Variants in WSCD1 observed in about 807,000 individuals in gnomAD.
WSCD1 encodes WSC domain sialate O sulfotransferase 1.
A neutral mutation model predicts 60.4 loss-of-function variants in WSCD1; 41 were observed. The observed-to-expected ratio is 0.68, with a 90% CI of 0.53 to 0.88. The LOEUF (loss-of-function observed/expected upper bound fraction) is 0.88. WSCD1 is among the 40% of genes least tolerant of loss of function. The pLI, the probability that WSCD1 is intolerant of heterozygous loss-of-function variation, is 0.00. For synonymous variants in WSCD1, 361 were observed against 332.5 expected, an observed-to-expected ratio of 1.09 and a Z score of -0.93; for missense variants, 784 against 796.2, an observed-to-expected ratio of 0.98 and a Z score of 0.18.
rs1050914760 is a variant in WSCD1, at chr17:6,096,139, T to A, written c.849+916T>A. Among the ~76,000 whole-genome samples, 5 of 152,344 alleles carry A rather than the reference T, an allele frequency of 3.3e-5. No homozygotes were observed. In the East Asian group the frequency reaches 9.6e-4, roughly 29 times the overall value. ...GCGCTTTATGGGTTAACTCATTTAA[T>A]CCTCCTAACAACCCTACAGCTAGGT... On this transcript the variant is annotated intron_variant, in intron 5 of 8. Coordinates refer to ENST00000317744, the MANE Select transcript of WSCD1 (RefSeq NM_015253.2).
Position 6,080,964 on chromosome 17 carries a change from C to T in WSCD1, c.306C>T (p.Leu102=). The change falls in exon 2 of 9, where the codon CTC becomes CTT. Residue 102 remains leucine, a synonymous_variant. Coordinates refer to ENST00000317744, the MANE Select transcript of WSCD1 (RefSeq NM_015253.2). This position sits in a 1 kb window ranked among gnomAD's most constrained non-coding sequence, Gnocchi z 6.6. ...LTRPRPGPRW[L]RSRNSELRQL... is the part of the protein sequence containing the mutation. ...GGCCCCGGCCCGGCCCCCGCTGGCT[C>T]CGGAGCCGCAACTCGGAGCTGCGTC... 6.4e-7 allele frequency: 1 copy of T among 1,555,472 alleles called. No homozygotes were observed. The highest frequency in any genetic ancestry group is 8.7e-7 in the Non-Finnish European group (1 of 1,153,794).
rs1434973378 is a variant in WSCD1, at chr17:6,118,890, G to A, written c.1375+702G>A. 1.3e-5 allele frequency among the ~76,000 whole-genome samples: 2 copies of A among 152,322 alleles called. No individual in the cohort carries two copies. Among genetic ancestry groups the A allele is most frequent in the East Asian group, 1.9e-4 (1 of 5,174 alleles). ...AAATACCACAAAACTGGGGGATGGGGCAGGGGGTGGTGCTTAAGCAGCAGA... is the reference window on the plus strand; with the variant it reads ...AAATACCACAAAACTGGGGGATGGGACAGGGGGTGGTGCTTAAGCAGCAGA... On this transcript the variant is annotated intron_variant, in intron 8 of 8. Coordinates refer to ENST00000317744, the MANE Select transcript of WSCD1 (RefSeq NM_015253.2). The surrounding 1 kb of genome is among the most constrained non-coding windows in gnomAD (Gnocchi z 5.8).
intron 4 of WSCD1, among the ~76,000 whole-genome samples, chr17:6,094,408 G>C (rs1258361390): frequency 3.9e-5 from 6 of 152,192 alleles, no homozygotes; most frequent in African/African-American, 1.4e-4. Flanking sequence ...CTGGGTTTCA[G>C]ATTTCCATGT....
rs1416073947 is a variant in WSCD1 at position 6,121,251 on chromosome 17, A to T, written c.*590A>T. 6.5e-6 allele frequency: 1 copy of T among 153,528 alleles called. No homozygotes were observed. The highest frequency in any genetic ancestry group is 1.4e-5 in the Non-Finnish European group (1 of 69,054). 9.5% of individuals were successfully genotyped at this position (153,528 alleles called of 1,614,324 possible). A position where few individuals can be genotyped will look rare whatever the true frequency, so the allele number is the denominator to read the frequency against. On this transcript the variant is annotated 3_prime_UTR_variant, in exon 9 of 9. Coordinates refer to ENST00000317744, the MANE Select transcript of WSCD1 (RefSeq NM_015253.2). ...GTGTGCGGCCCTGGCCGTGTGTCTG[A>T]CATCCCATAAATGTGTGTGTGGTGT... is the stretch of plus-strand genomic sequence containing the variant.
chr17:6,109,628 A>T lies in WSCD1; in HGVS notation c.871A>T (p.Arg291Trp), dbSNP rs1424483681. ...SQKEFPLAIL[R>W]GWECYCAYPT... ...GCAGGAGTTCCCCTTGGCCATTCTC[A>T]GGGGCTGGGAATGCTACTGTGCTTA... The change falls in exon 6 of 9, where the codon AGG (arginine) becomes TGG (tryptophan). Residue 291 changes from arginine (R) to tryptophan (W), a missense_variant. Transcript: ENST00000317744. 29 of 1,613,690 alleles carry T rather than the reference A, an allele frequency of 1.8e-5. No individual in the cohort carries two copies. Among genetic ancestry groups the T allele is most frequent in the Non-Finnish European group, 2.4e-5 (28 of 1,179,862 alleles).
At chr17:6,109,927 G>A (rs114711387) in intron 6 of WSCD1, among the ~76,000 whole-genome samples, 161 bp downstream of exon 6, 124 of 152,292 alleles carry the variant, frequency 8.1e-4, no homozygotes, top group African/African-American at 2.8e-3. Context: ...AGATAATGGG[G>A]AGGGTCAGTT....
At position 6,075,076 on chromosome 17, in the gene WSCD1, G is replaced by A. The variant is rs909671507; in HGVS notation, c.-289+4424G>A. On this transcript the variant is annotated intron_variant, in intron 1 of 8. Coordinates refer to ENST00000317744, the MANE Select transcript of WSCD1 (RefSeq NM_015253.2). This position sits in a 1 kb window ranked among gnomAD's most constrained non-coding sequence, Gnocchi z 4.1. Reference sequence around the variant, plus strand: ...TGCCAGTCACTGAGGCTGAGGCTTCGAGCTTCTAGGACCCAGATGCCCATC... The same window carrying A: ...TGCCAGTCACTGAGGCTGAGGCTTCAAGCTTCTAGGACCCAGATGCCCATC... Among the ~76,000 whole-genome samples, 4 of 152,108 alleles carry A rather than the reference G, an allele frequency of 2.6e-5. No individual in the cohort carries two copies. The highest frequency in any genetic ancestry group is 7.2e-5 in the African/African-American group (3 of 41,400).
chr17:6,107,590 G>A (rs1012000506), intron 5 of WSCD1, among the ~76,000 whole-genome samples: 3 of 152,120 alleles, frequency 2.0e-5, no homozygotes, highest in South Asian at 2.1e-4. Context: ...TGAATTTGGG[G>A]GACACAGTTC....
intron 2 of WSCD1, among the ~76,000 whole-genome samples, chr17:6,086,746 T>G (rs1389649928): frequency 6.6e-6 from 1 of 152,082 alleles, no homozygotes; most frequent in Non-Finnish European, 1.5e-5. Flanking sequence ...CTTCCTCCCC[T>G]AGGCCACTCA....
At chr17:6,095,300 T>C in intron 5 of WSCD1, 77 bp downstream of exon 5, 1 of 1,495,042 alleles carries the variant, frequency 6.7e-7, no homozygotes, top group Non-Finnish European at 8.9e-7. Flanking sequence ...GCACATGTGC[T>C]GGGCTGCGGG....
Position 6,090,582 on chromosome 17 carries a change from A to G in WSCD1, c.727+77A>G. On this transcript the variant is annotated intron_variant, in intron 4 of 8. Coordinates refer to ENST00000317744, the MANE Select transcript of WSCD1 (RefSeq NM_015253.2). ...GGCTGCCCATCCCCCACAACCTCTC[A>G]ATGAAACTACCTGGGGCAGAACCTG... 5 of 1,544,278 alleles carry G rather than the reference A, an allele frequency of 3.2e-6. No homozygotes were observed. In the South Asian group the frequency reaches 6.0e-5, roughly 19 times the overall value.
At chr17:6,095,321 G>A (rs1304986245) in intron 5 of WSCD1, 98 bp downstream of exon 5, 3 of 1,441,930 alleles carry the variant, frequency 2.1e-6, no homozygotes, top group East Asian at 2.7e-5. Flanking sequence ...TGTCCCCTCT[G>A]GCAGTCCAGA....
intron 4 of WSCD1, among the ~76,000 whole-genome samples, chr17:6,091,943 TC>T (rs1473806281): frequency 6.6e-6 from 1 of 151,978 alleles, no homozygotes; most frequent in Non-Finnish European, 1.5e-5. Context: ...AATCATGAGG[TC>T]AGGAGTTCGA....
chr17:6,074,256 G>A (rs1908712149), intron 1 of WSCD1, among the ~76,000 whole-genome samples: 2 of 152,026 alleles, frequency 1.3e-5, no homozygotes, highest in Admixed American at 6.6e-5. Flanking sequence ...TCAAAGACAG[G>A]GATCCCACCC....
chr17:6,080,600 C>T lies in WSCD1; in HGVS notation c.-59C>T, dbSNP rs1238743639. Reference sequence around the variant, plus strand: ...GCCTCCGGAGGCCCTGGCCTCACTCCCACCTGGGCGCTAGGAGCCATCCCG... The same window carrying T: ...GCCTCCGGAGGCCCTGGCCTCACTCTCACCTGGGCGCTAGGAGCCATCCCG... On this transcript the variant is annotated 5_prime_UTR_variant, in exon 2 of 9. Coordinates refer to ENST00000317744, the MANE Select transcript of WSCD1 (RefSeq NM_015253.2). The surrounding 1 kb of genome is among the most constrained non-coding windows in gnomAD (Gnocchi z 6.6). 3 of 1,583,804 alleles carry T rather than the reference C, an allele frequency of 1.9e-6. No homozygotes were observed. The Admixed American group carries it at 5.7e-5, about 30-fold the overall frequency.
At chr17:6,099,443 A>T (rs1321550084) in intron 5 of WSCD1, among the ~76,000 whole-genome samples, 1 of 150,540 alleles carries the variant, frequency 6.6e-6, no homozygotes, top group South Asian at 2.1e-4. Flanking sequence ...TGAACCCAGG[A>T]GGCAGAGGTT....
At chr17:6,077,522 T>G (rs570215203) in intron 1 of WSCD1, among the ~76,000 whole-genome samples, 1 of 152,176 alleles carries the variant, frequency 6.6e-6, no homozygotes, top group African/African-American at 2.4e-5. Flanking sequence ...CGTGGCTGTC[T>G]GTTGTGTCCA....
At chr17:6,071,655 T>C (rs1469242205) in intron 1 of WSCD1, among the ~76,000 whole-genome samples, 1 of 152,256 alleles carries the variant, frequency 6.6e-6, no homozygotes, top group Non-Finnish European at 1.5e-5. Flanking sequence ...CTTTCTTTTT[T>C]CCTCTGATTT....
At chr17:6,106,526 T>C (rs955301793) in intron 5 of WSCD1, among the ~76,000 whole-genome samples, 3 of 152,216 alleles carry the variant, frequency 2.0e-5, no homozygotes, top group Non-Finnish European at 4.4e-5. Context: ...GCTGGGTGAT[T>C]CTATTTATAT....
Sources: allele counts gnomAD v4.1 joint callset (sites outside exome capture counted in the v4.1 genomes callset), GRCh38; gene constraint gnomAD v4.1.1; non-coding constraint Gnocchi (gnomAD v3.1); transcripts MANE v1.5; gene names NCBI Gene and HGNC (gene_info 2026-07-23, HGNC 2026-07-21).